The following TTLL5 variants were observed in gnomAD, a reference collection of about 807,000 sequenced individuals.
The protein encoded by TTLL5 is tubulin polyglutamylase TTLL5.
TTLL5 carries 132 observed loss-of-function variants against 168.4 expected under a neutral mutation model. The observed-to-expected ratio is 0.78, with a 90% CI of 0.68 to 0.91. TTLL5 has a LOEUF of 0.91. Ranked by LOEUF, TTLL5 falls within the 40% of genes least tolerant of loss-of-function variation. The probability of loss-of-function intolerance (pLI) is 0.00; values close to 1 mark genes in which losing one functional copy is unlikely to be tolerated. For missense variants in TTLL5, 1,545 were observed against 1,581.5 expected (o/e 0.98, Z 0.39); for synonymous variants, 546 against 558.6 (o/e 0.98, Z 0.32).
intron 27 of TTLL5, chr14:75,818,477 TTTTTC>T (rs957869496): frequency 5.2e-5 from 21 of 406,582 alleles, no homozygotes; most frequent in African/African-American, 2.2e-5. Context: ...TATATCATTA[TTTTTC>T]TTTTCTTTTC....
intron 21 of TTLL5, among the ~76,000 whole-genome samples, chr14:75,774,485 C>T (rs541878078): frequency 3.3e-5 from 5 of 152,166 alleles, no homozygotes; most frequent in Non-Finnish European, 7.4e-5. Context: ...TTCTACTCTT[C>T]ACGTATATTT....
At chr14:75,858,266 G>A (rs1248992340) in intron 28 of TTLL5, among the ~76,000 whole-genome samples, 2 of 152,194 alleles carry the variant, frequency 1.3e-5, no homozygotes, top group Admixed American at 1.3e-4. Flanking sequence ...AACTGCTCGT[G>A]CCTTAGCACA....
chr14:75,870,694 A>G (rs887394986), intron 29 of TTLL5, among the ~76,000 whole-genome samples: 5 of 151,890 alleles, frequency 3.3e-5, no homozygotes, highest in Non-Finnish European at 5.9e-5. Flanking sequence ...TTTTATTTCT[A>G]TGATAGGTGT....
rs1890851857 is a variant in TTLL5, at chr14:75,764,636, A to G, written c.1572A>G (p.Pro524=). ...CTAGAATGACTGCTGATGGAGCGCCAGAATTGAAGATAGAGAGTCTGAATT... is the reference window on the plus strand; with the variant it reads ...CTAGAATGACTGCTGATGGAGCGCCGGAATTGAAGATAGAGAGTCTGAATT... The part of the protein sequence containing the change: ...FQDRMTADGA[P]ELKIESLNSK... The change falls in exon 19 of 32, where the codon CCA becomes CCG. Residue 524 remains proline (P), a synonymous_variant. Transcript: ENST00000298832. The G allele has an allele frequency of 6.2e-7, 1 of 1,614,150 alleles. No individual in the cohort carries two copies. Among genetic ancestry groups the G allele is most frequent in the African/African-American group, 1.3e-5 (1 of 75,062 alleles).
intron 6 of TTLL5, among the ~76,000 whole-genome samples, chr14:75,693,652 A>G (rs1385402526): frequency 6.6e-6 from 1 of 152,262 alleles, no homozygotes; most frequent in Non-Finnish European, 1.5e-5. Flanking sequence ...TGCCAACTCC[A>G]GCCATTCCCC....
At chr14:75,777,766 T>C (rs1891802065) in intron 23 of TTLL5, among the ~76,000 whole-genome samples, 1 of 152,154 alleles carries the variant, frequency 6.6e-6, no homozygotes, top group Admixed American at 6.6e-5. Context: ...GGGTAGGAGC[T>C]TATCAATCAC....
chr14:75,718,500 T>C (rs1887616557), intron 10 of TTLL5, among the ~76,000 whole-genome samples: 1 of 152,318 alleles, frequency 6.6e-6, no homozygotes, highest in South Asian at 2.1e-4. Flanking sequence ...TATCTAAAGC[T>C]GCTTATTTTT....
chr14:75,888,833 G>A lies in TTLL5; in HGVS notation c.3740+5931G>A, dbSNP rs1385305819. On this transcript the variant is annotated intron_variant, in intron 30 of 31. Coordinates refer to ENST00000298832, the MANE Select transcript of TTLL5 (RefSeq NM_015072.5). ...GCCTGTAATCCCAGCTACTCAGGAG[G>A]CGGAGGCTGGAGAATCGCTTGAACC... Among the ~76,000 whole-genome samples the A allele has an allele frequency of 5.9e-5, 9 of 151,996 alleles. No individual in the cohort carries two copies. In the East Asian group the frequency reaches 1.7e-3, roughly 29 times the overall value.
rs375277618 is a variant in TTLL5, at chr14:75,699,483, A to T, written c.585+213A>T. Among the ~76,000 whole-genome samples, 12 of 152,330 alleles carry T rather than the reference A, an allele frequency of 7.9e-5. 1 individual carries two copies. The East Asian group carries it at 2.1e-3, about 27-fold the overall frequency. On this transcript the variant is annotated intron_variant, in intron 7 of 31. Transcript: ENST00000298832. ...CAGCAGTTACTCCATGGCTAAAAAG[A>T]CACTTGATCAGATTTTAGGGGAGGG... is the stretch of plus-strand genomic sequence containing the variant.
intron 30 of TTLL5, among the ~76,000 whole-genome samples, chr14:75,884,843 C>T (rs903656753): frequency 6.6e-6 from 1 of 151,556 alleles, no homozygotes; most frequent in Non-Finnish European, 1.5e-5. Flanking sequence ...GTGAAAAGTT[C>T]CCCCTATGAA....
chr14:75,900,209 C>T lies in TTLL5; in HGVS notation c.3741-1933C>T, dbSNP rs113174389. On this transcript the variant is annotated intron_variant, in intron 30 of 31. Coordinates refer to ENST00000298832, the MANE Select transcript of TTLL5 (RefSeq NM_015072.5). ...GATTTCCGATGTGGCTGTCCAAGGC[C>T]GAGGCTGATGGGAAAAGGGAGAAGC... 1.6e-3 allele frequency among the ~76,000 whole-genome samples: 246 copies of T among 152,210 alleles called. 1 individual carries two copies. The highest frequency in any genetic ancestry group is 5.5e-3 in the African/African-American group (230 of 41,536).
intron 15 of TTLL5, among the ~76,000 whole-genome samples, chr14:75,735,625 A>G (rs1166618963): frequency 6.6e-6 from 1 of 152,116 alleles, no homozygotes; most frequent in African/African-American, 2.4e-5. Flanking sequence ...ATTCTTAGTC[A>G]TTACTGCATT....
chr14:75,784,601 A>G lies in TTLL5; in HGVS notation c.2986+1071A>G, dbSNP rs566039949. 5.1e-4 allele frequency among the ~76,000 whole-genome samples: 78 copies of G among 152,334 alleles called. 1 individual carries two copies. In the South Asian group the frequency reaches 0.016, roughly 30 times the overall value. ...ATGTTTTTATTTCTCTTGAGTGTAT[A>G]GCTAGAGTGGAATTGTTGGTTCATA... On this transcript the variant is annotated intron_variant, in intron 26 of 31. Transcript: ENST00000298832.
intron 31 of TTLL5, among the ~76,000 whole-genome samples, chr14:75,907,081 T>C (rs2033176694): frequency 1.3e-5 from 2 of 152,242 alleles, no homozygotes; most frequent in Admixed American, 1.3e-4. Context: ...ATATTTATTA[T>C]TAAGGCTTTT....
intron 28 of TTLL5, among the ~76,000 whole-genome samples, chr14:75,854,351 A>G (rs1897027668): frequency 1.3e-5 from 2 of 152,200 alleles, no homozygotes; most frequent in Non-Finnish European, 2.9e-5. Flanking sequence ...TGTTGCTTAT[A>G]TTAGCAGTTC....
At chr14:75,677,964 A>G (rs1379453166) in intron 3 of TTLL5, among the ~76,000 whole-genome samples, 1 of 151,756 alleles carries the variant, frequency 6.6e-6, no homozygotes, top group Non-Finnish European at 1.5e-5. Flanking sequence ...CTTATTCCCC[A>G]TGTAACTGTT....
intron 27 of TTLL5, among the ~76,000 whole-genome samples, chr14:75,810,924 C>G (rs1893957467): frequency 6.6e-6 from 1 of 151,800 alleles, no homozygotes; most frequent in African/African-American, 2.4e-5. Flanking sequence ...ACAGCAAGAG[C>G]AACACATCTC....
chr14:75,750,974 G>A (rs913631499), intron 17 of TTLL5, among the ~76,000 whole-genome samples: 3 of 152,136 alleles, frequency 2.0e-5, no homozygotes, highest in African/African-American at 4.8e-5. Flanking sequence ...GCATTGTGAC[G>A]TGGTGTTAGG....
chr14:75,765,947 C>A, intron 19 of TTLL5, 115 bp from the exon 20 acceptor site: 1 of 792,846 alleles, frequency 1.3e-6, no homozygotes, highest in Non-Finnish European at 2.0e-6. Flanking sequence ...AATTCTGTGC[C>A]TTGTTTGTGG....
Sources: gnomAD v4.1 joint callset for allele counts (sites outside exome capture counted in the v4.1 genomes callset) on GRCh38, gnomAD v4.1.1 for gene constraint, MANE v1.5 for transcripts, NCBI Gene and HGNC (gene_info 2026-07-23, HGNC 2026-07-21) for gene names.